TICRR: variants seen among roughly 807,000 people sequenced by gnomAD.
The protein encoded by TICRR is TOPBP1 interacting checkpoint and replication regulator.
A neutral mutation model predicts 178.1 loss-of-function variants in TICRR; 132 were observed. The ratio of observed to expected loss-of-function variants is 0.74; its 90% confidence interval spans 0.64 to 0.86. The LOEUF is 0.86. Ranked by LOEUF, TICRR falls within the 40% of genes least tolerant of loss-of-function variation. The pLI, the probability that TICRR is intolerant of heterozygous loss-of-function variation, is 0.00. For synonymous variants in TICRR, 991 were observed against 900.7 expected (o/e 1.10, Z -1.79); for missense variants, 2,587 against 2,334.3 (o/e 1.11, Z -2.23).
At position 89,595,620 on chromosome 15, in the gene TICRR, C is replaced by G. The variant is rs549845279; in HGVS notation, c.1900+9C>G. The stretch of plus-strand genomic sequence containing the variant: ...AAGTTCTAAACCTAAAGGTATTCCT[C>G]TTAGTCTATAATTTACTCTTTTATA... On this transcript the variant is annotated intron_variant, in intron 7 of 21. Coordinates refer to ENST00000268138, the MANE Select transcript of TICRR (RefSeq NM_152259.4). The G allele has an allele frequency of 8.7e-6, 14 of 1,606,648 alleles. No homozygotes were observed. Among genetic ancestry groups the G allele is most frequent in the African/African-American group, 5.3e-5 (4 of 74,832 alleles).
At chr15:89,585,574 A>G in intron 3 of TICRR, 134 bp from the exon 4 acceptor site, 2 of 678,950 alleles carry the variant, frequency 2.9e-6, no homozygotes, top group South Asian at 3.8e-5. Flanking sequence ...TCTATTAATG[A>G]TCAAATCTAT....
rs1963104318 is a variant in TICRR, at chr15:89,601,863, C to T, written c.2454C>T (p.Asn818=). 6.2e-7 allele frequency: 1 copy of T among 1,614,014 alleles called. No homozygotes were observed. ...FFSDDSMTQE[N]KSPLLSVPFL... Reference sequence around the variant, plus strand: ...GTGATGACTCCATGACACAAGAGAACAAATCACCACTTCTTTCTGTGCCTT... The same window carrying T: ...GTGATGACTCCATGACACAAGAGAATAAATCACCACTTCTTTCTGTGCCTT... The change falls in exon 12 of 22, where the codon AAC becomes AAT. Residue 818 remains asparagine, a synonymous_variant. Transcript: ENST00000268138.
chr15:89,618,231 T>G, intron 17 of TICRR, 21 bp downstream of exon 17: 2 of 1,609,514 alleles, frequency 1.2e-6, no homozygotes, highest in Non-Finnish European at 1.7e-6. Context: ...TCTCTTTTTG[T>G]TTTTAATGCA....
intron 1 of TICRR, among the ~76,000 whole-genome samples, chr15:89,581,393 A>G (rs1962722824): frequency 6.6e-6 from 1 of 152,194 alleles, no homozygotes; most frequent in South Asian, 2.1e-4. Context: ...GATCCTAGAC[A>G]TGGCACATAG....
At chr15:89,611,603 C>A (rs749181820) in intron 15 of TICRR, among the ~76,000 whole-genome samples, 6 of 152,118 alleles carry the variant, frequency 3.9e-5, no homozygotes, top group Non-Finnish European at 7.4e-5. Flanking sequence ...CTTAGACTCC[C>A]ATGATATATG....
At chr15:89,611,324 G>C (rs1963253765) in intron 15 of TICRR, among the ~76,000 whole-genome samples, 1 of 152,062 alleles carries the variant, frequency 6.6e-6, no homozygotes, top group South Asian at 2.1e-4. Flanking sequence ...GACATCCACT[G>C]CCTTCTGGTC....
intron 1 of TICRR, among the ~76,000 whole-genome samples, chr15:89,576,632 GCTT>G (rs1379766132): frequency 6.6e-6 from 1 of 151,816 alleles, no homozygotes; most frequent in Non-Finnish European, 1.5e-5. Flanking sequence ...ACCCTTTAAG[GCTT>G]CTTCTCCCAG....
intron 5 of TICRR, among the ~76,000 whole-genome samples, chr15:89,592,960 CTA>C (rs1317605250): frequency 1.3e-5 from 2 of 152,190 alleles, no homozygotes; most frequent in Non-Finnish European, 2.9e-5. Context: ...AGTCCAGAAA[CTA>C]TGTTAATACC....
chr15:89,610,522 C>T (rs991540530), intron 15 of TICRR, among the ~76,000 whole-genome samples: 6 of 152,154 alleles, frequency 3.9e-5, no homozygotes, highest in African/African-American at 1.4e-4. Flanking sequence ...ATACAGCTCC[C>T]CACCCACCAG....
intron 7 of TICRR, among the ~76,000 whole-genome samples, chr15:89,598,975 C>A (rs8040110): frequency 0.82 from 125,281 of 152,050 alleles, 52,416 homozygotes; most frequent in Non-Finnish European, 0.92. Flanking sequence ...TGTGCCACTG[C>A]ACTCCAGCCT....
intron 21 of TICRR, among the ~76,000 whole-genome samples, chr15:89,626,297 G>A (rs1468137941): frequency 6.6e-6 from 1 of 152,330 alleles, no homozygotes; most frequent in East Asian, 1.9e-4. Flanking sequence ...TCCTGAAAAT[G>A]TTGACAGTCG....
rs376043880 is a variant in TICRR at position 89,608,942 on chromosome 15, G to C, written c.2862G>C (p.Lys954Asn). ...AGGATAAACTTGACAACTTCAAGAA[G>C]AACAAAGGTACCACATTTCAGAATA... is the stretch of plus-strand genomic sequence containing the variant. Reference protein sequence around the residue: ...GLEDKLDNFKKNKGYHKLLTK... With the variant: ...GLEDKLDNFKNNKGYHKLLTK... Residue 954 changes from lysine to asparagine, a missense_variant, in exon 15 of 22, where the codon AAG becomes AAC. Transcript: ENST00000268138. 1.3e-6 allele frequency: 2 copies of C among 1,593,164 alleles called. No individual in the cohort carries two copies. Among genetic ancestry groups the C allele is most frequent in the African/African-American group, 2.7e-5 (2 of 73,168 alleles).
At chr15:89,622,377 C>G (rs2141982635) in intron 19 of TICRR, among the ~76,000 whole-genome samples, 1 of 152,304 alleles carries the variant, frequency 6.6e-6, no homozygotes, top group African/African-American at 2.4e-5. Flanking sequence ...ACAGGCTTTT[C>G]CCTCTCAAAG....
chr15:89,592,798 G>C (rs1049120054), intron 5 of TICRR, among the ~76,000 whole-genome samples: 4 of 152,174 alleles, frequency 2.6e-5, no homozygotes, highest in African/African-American at 9.7e-5. Flanking sequence ...ATTATTAAGA[G>C]GTATGGTTGA....
At chr15:89,618,265 C>A in intron 17 of TICRR, 55 bp downstream of exon 17, 3 of 1,513,368 alleles carry the variant, frequency 2.0e-6, no homozygotes, top group Non-Finnish European at 1.8e-6. Context: ...CTATGAAAAC[C>A]TTTCTGTATG....
Position 89,624,440 on chromosome 15 carries a change from C to A in TICRR, c.4130C>A (p.Pro1377His). 6.2e-7 allele frequency: 1 copy of A among 1,614,208 alleles called. No homozygotes were observed. Among genetic ancestry groups the A allele is most frequent in the Non-Finnish European group, 8.5e-7 (1 of 1,180,036 alleles). ...RATLDTVPPP[P>H]PSKVGKRCRK... ...ACATTGGACACCGTCCCTCCTCCACCCCCTTCTAAAGTTGGGAAACGGTGT... is the reference window on the plus strand; with the variant it reads ...ACATTGGACACCGTCCCTCCTCCACACCCTTCTAAAGTTGGGAAACGGTGT... Residue 1377 changes from proline (P) to histidine (H), a missense_variant, in exon 20 of 22, where the codon CCC becomes CAC. Physicochemically the swap from Pro to His is moderately conservative, Grantham distance 77. Coordinates refer to ENST00000268138, the MANE Select transcript of TICRR (RefSeq NM_152259.4).
intron 1 of TICRR, among the ~76,000 whole-genome samples, chr15:89,579,601 C>T (rs1962687168): frequency 6.6e-6 from 1 of 152,096 alleles, no homozygotes; most frequent in African/African-American, 2.4e-5. Context: ...CCACCTCGGC[C>T]TCCCAAAGTG....
At chr15:89,619,620 A>G (rs930714802) in intron 17 of TICRR, 88 bp from the exon 18 acceptor site, 2 of 1,376,638 alleles carry the variant, frequency 1.5e-6, no homozygotes, top group South Asian at 1.4e-5. Context: ...ATGTGGTACT[A>G]TGTAAATTTT....
At chr15:89,602,070 A>T in intron 12 of TICRR, 94 bp downstream of exon 12, 1 of 1,490,256 alleles carries the variant, frequency 6.7e-7, no homozygotes, top group Admixed American at 2.0e-5. Context: ...TTGTCCATAT[A>T]ATTTGTTGAA....
Sources: allele counts gnomAD v4.1 joint callset (sites outside exome capture counted in the v4.1 genomes callset), GRCh38; gene constraint gnomAD v4.1.1; transcripts MANE v1.5; gene names NCBI Gene and HGNC (gene_info 2026-07-23, HGNC 2026-07-21).